Variants in OR2T2 observed in about 807,000 individuals in gnomAD.
OR2T2 encodes olfactory receptor family 2 subfamily T member 2, also known as olfactory receptor 2T2.
For synonymous variants in OR2T2, 50 were observed against 162.7 expected (o/e 0.31, Z 5.27); for missense variants, 138 against 409.1 (o/e 0.34, Z 5.72).
At chr1:248,446,727 G>A (rs1231183308) in exon 2 of OR2T2, 1 of 148,184 alleles carries the variant, frequency 6.7e-6, no homozygotes, top group African/African-American at 2.7e-5. Flanking sequence ...TTGGAATTTA[G>A]ACCTTTTACT....
intron 2 of OR2T2, among the ~76,000 whole-genome samples, chr1:248,447,892 C>A (rs1215192791): frequency 1.4e-5 from 2 of 142,522 alleles, no homozygotes; most frequent in Non-Finnish European, 3.0e-5. Context: ...AGGTTGCTAT[C>A]TACCATGTGT....
rs759982786 is a variant in OR2T2 at position 248,446,082 on chromosome 1, A to G, written c.-246+413A>G. Among the ~76,000 whole-genome samples, 145 of 145,730 alleles carry G rather than the reference A, an allele frequency of 9.9e-4. 10 individuals are homozygous for G. Among genetic ancestry groups the G allele is most frequent in the Non-Finnish European group, 1.3e-3 (89 of 67,492 alleles). The stretch of plus-strand genomic sequence containing the variant: ...GAATATTTTGTTAAAATTTTAATTT[A>G]CATTTTAAGTTAAATGATTAATTGC... On this transcript the variant is annotated intron_variant, in intron 1 of 2. Coordinates refer to ENST00000642130, the Ensembl canonical transcript of OR2T2.
intron 2 of OR2T2, among the ~76,000 whole-genome samples, chr1:248,448,236 CTAT>C: frequency 1.3e-5 from 2 of 150,136 alleles, no homozygotes; most frequent in Non-Finnish European, 2.9e-5. Context: ...TTGCCAAGAT[CTAT>C]ATTAAGAAAA....
At chr1:248,448,850 CTG>C (rs1162491638) in intron 2 of OR2T2, among the ~76,000 whole-genome samples, 2 of 75,586 alleles carry the variant, frequency 2.6e-5, no homozygotes, top group African/African-American at 1.0e-4. Flanking sequence ...TGAAAGAACA[CTG>C]AGGTCTGGAG....
chr1:248,445,959 G>A (rs563901186), intron 1 of OR2T2, among the ~76,000 whole-genome samples: 1 of 138,346 alleles, frequency 7.2e-6, no homozygotes, highest in Non-Finnish European at 1.5e-5. Flanking sequence ...TGTAAGAGCC[G>A]ACAGTTAGAA....
intron 2 of OR2T2, among the ~76,000 whole-genome samples, chr1:248,448,348 ATT>A (rs1267962248): frequency 1.5e-5 from 2 of 133,358 alleles, no homozygotes; most frequent in Non-Finnish European, 3.1e-5. Flanking sequence ...TAGGTATTCT[ATT>A]TTATTATTGT....
intron 2 of OR2T2, among the ~76,000 whole-genome samples, chr1:248,448,056 G>A (rs543281183): frequency 2.8e-4 from 42 of 152,316 alleles, no homozygotes; most frequent in African/African-American, 8.7e-4. Flanking sequence ...CGACTGTGGC[G>A]GACTCAGTGC....
chr1:248,446,534 T>TCACCTCTCCA (rs1384626570), intron 1 of OR2T2, 55 bp from the exon 2 acceptor site: 1 of 96,068 alleles, frequency 1.0e-5, no homozygotes, highest in South Asian at 3.1e-4. Flanking sequence ...TCACCTCGCC[T>TCACCTCTCCA]CTGCTGCTCC....
exon 3 of OR2T2, chr1:248,453,637 C>T (rs769297513): frequency 1.9e-6 from 3 of 1,592,662 alleles, no homozygotes; most frequent in Non-Finnish European, 2.6e-6. Flanking sequence ...CCTTCTACAC[C>T]ATCCTCACCC....
rs1270927393 is a variant in OR2T2 at position 248,453,036 on chromosome 1, C to T, written c.239C>T (p.Pro80Leu). ...ACCATCTACATCTGTATCACTGTCC[C>T]CAAGATGCTCCAGGACCTCCTGTCC... Residue 80 changes from proline (P) to leucine (L), a missense_variant, in exon 3 of 3, where the codon CCC (proline) becomes CTC (leucine). Coordinates refer to ENST00000642130, the Ensembl canonical transcript of OR2T2. 7 of 1,613,274 alleles carry T rather than the reference C, an allele frequency of 4.3e-6. No homozygotes were observed. In the East Asian group the frequency reaches 6.7e-5, roughly 15 times the overall value.
At chr1:248,455,211 AC>A in exon 3 of OR2T2, 1 of 138,424 alleles carries the variant, frequency 7.2e-6, no homozygotes, top group African/African-American at 2.8e-5. Context: ...GGCTTAGAAA[AC>A]ATTGGACAGA....
rs1662709905 is a variant in OR2T2, at chr1:248,448,083, C to G, written c.-23+1272C>G. Among the ~76,000 whole-genome samples, 4 of 152,318 alleles carry G rather than the reference C, an allele frequency of 2.6e-5. No individual in the cohort carries two copies. The South Asian group carries it at 8.3e-4, about 32-fold the overall frequency. ...ACTCAGTGCTTGTGTTCAAGTAACTCAGTTTTTCTTAATGGCTCCAAAGAG... is the reference window on the plus strand; with the variant it reads ...ACTCAGTGCTTGTGTTCAAGTAACTGAGTTTTTCTTAATGGCTCCAAAGAG... On this transcript the variant is annotated intron_variant, in intron 2 of 2. Coordinates refer to ENST00000642130, the Ensembl canonical transcript of OR2T2.
intron 2 of OR2T2, among the ~76,000 whole-genome samples, chr1:248,450,643 G>A (rs1184748589): frequency 6.6e-6 from 1 of 152,212 alleles, no homozygotes; most frequent in Admixed American, 6.5e-5. Context: ...TCTCATTCTT[G>A]CCTATTTCAG....
intron 2 of OR2T2, among the ~76,000 whole-genome samples, chr1:248,449,748 G>T (rs1662746606): frequency 8.1e-6 from 1 of 123,432 alleles, no homozygotes. Context: ...ATCTGCACTG[G>T]GGAGAAATCA....
intron 2 of OR2T2, among the ~76,000 whole-genome samples, chr1:248,447,957 T>C (rs1454761911): frequency 6.6e-6 from 1 of 152,264 alleles, no homozygotes; most frequent in African/African-American, 2.4e-5. Flanking sequence ...TTTTGAGTAG[T>C]GTGGTGGAAA....
intron 2 of OR2T2, among the ~76,000 whole-genome samples, chr1:248,447,037 CA>C (rs1662678359): frequency 2.7e-4 from 1 of 3,718 alleles, no homozygotes; most frequent in Non-Finnish European, 1.0e-3. Context: ...TGAATGAAAA[CA>C]GTTACCATTT....
At chr1:248,448,009 C>T (rs1308138928) in intron 2 of OR2T2, among the ~76,000 whole-genome samples, 1 of 152,292 alleles carries the variant, frequency 6.6e-6, no homozygotes, top group African/African-American at 2.4e-5. Flanking sequence ...TCTATGCTAC[C>T]CCCTGAGTCA....
intron 2 of OR2T2, among the ~76,000 whole-genome samples, 191 bp downstream of exon 2, chr1:248,447,002 G>C (rs1449343109): frequency 6.7e-6 from 1 of 148,208 alleles, no homozygotes; most frequent in African/African-American, 2.6e-5. Flanking sequence ...AGTTGGGATG[G>C]GAGGGAAAGT....
intron 2 of OR2T2, among the ~76,000 whole-genome samples, chr1:248,447,038 A>AGTT: frequency 2.5e-4 from 1 of 3,966 alleles, no homozygotes; most frequent in Non-Finnish European, 9.1e-4. Flanking sequence ...GAATGAAAAC[A>AGTT]GTTACCATTT....
Sources: gnomAD v4.1 joint callset for allele counts (sites outside exome capture counted in the v4.1 genomes callset) on GRCh38, gnomAD v4.1.1 for gene constraint, MANE v1.5 for transcripts, NCBI Gene and HGNC (gene_info 2026-07-23, HGNC 2026-07-21) for gene names.